Variants in MAML3 observed in about 807,000 individuals in gnomAD.
MAML3 encodes the protein mastermind-like protein 3.
A neutral mutation model predicts 101.9 loss-of-function variants in MAML3; 27 were observed. The ratio of observed to expected loss-of-function variants is 0.27; its 90% CI spans 0.20 to 0.37. The LOEUF is 0.37. MAML3 is among the 10% of genes least tolerant of loss of function. The pLI is 1.00. For missense variants in MAML3, 1,316 were observed against 1,444.9 expected (o/e 0.91, Z 1.45); for synonymous variants, 501 against 555.9 (o/e 0.90, Z 1.39).
rs751850352 is a variant in MAML3 at position 139,745,897 on chromosome 4, A to G, written c.2080-15230T>C. Among the ~76,000 whole-genome samples, 4 of 152,226 alleles carry G rather than the reference A, an allele frequency of 2.6e-5. No homozygotes were observed. In the South Asian group the frequency reaches 8.3e-4, roughly 31 times the overall value. ...GAAAGATGGCAGGCAGTAACAGGAA[A>G]TGTGACCACAACAACTTGGAGAAGA... On this transcript the variant is annotated intron_variant, in intron 2 of 4. Coordinates refer to ENST00000509479, the MANE Select transcript of MAML3 (RefSeq NM_018717.5).
At chr4:139,808,192 A>G (rs795989) in intron 2 of MAML3, among the ~76,000 whole-genome samples, 55,736 of 152,202 alleles carry the variant, frequency 0.37, 10,632 homozygotes, top group East Asian at 0.64. Context: ...AGTGAGCTCA[A>G]CTTATCCATC....
intron 2 of MAML3, among the ~76,000 whole-genome samples, chr4:139,863,832 GTTTTTTT>G (rs58270046): frequency 0.046 from 5,101 of 111,236 alleles, 162 homozygotes; most frequent in African/African-American, 0.13. Flanking sequence ...CAGAACATGG[GTTTTTTT>G]TTTTTTTTTT....
intron 2 of MAML3, among the ~76,000 whole-genome samples, chr4:139,763,027 T>C (rs1729786170): frequency 6.6e-6 from 1 of 152,136 alleles, no homozygotes; most frequent in African/African-American, 2.4e-5. Context: ...TGATCTTGGT[T>C]AAAGGGAAAC....
chr4:140,035,331 T>C (rs1726968093), intron 1 of MAML3, among the ~76,000 whole-genome samples: 1 of 152,142 alleles, frequency 6.6e-6, no homozygotes, highest in South Asian at 2.1e-4. Context: ...GTTCCAAATA[T>C]GTGAAATCAA....
intron 1 of MAML3, among the ~76,000 whole-genome samples, chr4:140,151,629 G>T (rs1038428847): frequency 2.0e-5 from 3 of 151,598 alleles, no homozygotes; most frequent in African/African-American, 7.3e-5. Context: ...GAAGGCGCGC[G>T]GCCCCGGCAC....
Position 140,151,694 on chromosome 4 carries a change from G to GT in MAML3, c.468+1165_468+1166insA, listed in dbSNP as rs900398705. Among the ~76,000 whole-genome samples the GT allele has an allele frequency of 2.7e-4, 41 of 149,998 alleles. 1 individual carries two copies. Among genetic ancestry groups the GT allele is most frequent in the South Asian group, 4.4e-4 (2 of 4,558 alleles). ...CAGCACCCGGGCGGCGCGGTGCGGG[G>GT]GGGGGGGGCACACACCTTTCCCAAG... On this transcript the variant is annotated intron_variant, in intron 1 of 4. Transcript: ENST00000509479.
chr4:140,083,961 CACACACAGAG>C (rs1337505523), intron 1 of MAML3, among the ~76,000 whole-genome samples: 671 of 36,070 alleles, frequency 0.019, 10 homozygotes, highest in African/African-American at 0.045. Context: ...CACACACACA[CACACACAGAG>C]AGAGAGAGAG....
At chr4:139,731,806 G>A (rs1728738443) in intron 2 of MAML3, among the ~76,000 whole-genome samples, 2 of 152,206 alleles carry the variant, frequency 1.3e-5, no homozygotes, top group African/African-American at 4.8e-5. Flanking sequence ...CATGGAGAAT[G>A]TGCTCAAAGG....
intron 2 of MAML3, among the ~76,000 whole-genome samples, chr4:139,772,166 G>A (rs1244251230): frequency 4.8e-5 from 7 of 145,216 alleles, no homozygotes; most frequent in Admixed American, 4.1e-4. Flanking sequence ...CGTGAACCCG[G>A]GAGGCGCAGT....
rs74767521 is a variant in MAML3 at position 139,781,791 on chromosome 4, C to T, written c.2080-51124G>A. ...CCATCTATTCATGGTGATGCTGTTA[C>T]TCCTTAAAAACTTGAGAAAATATCT... On this transcript the variant is annotated intron_variant, in intron 2 of 4. Transcript: ENST00000509479. 1.6e-4 allele frequency among the ~76,000 whole-genome samples: 25 copies of T among 152,250 alleles called. No individual in the cohort carries two copies. In the East Asian group the frequency reaches 4.8e-3, roughly 29 times the overall value.
chr4:139,961,434 A>G (rs1483502814), intron 1 of MAML3, among the ~76,000 whole-genome samples: 1 of 152,194 alleles, frequency 6.6e-6, no homozygotes, highest in African/African-American at 2.4e-5. Context: ...GTTCCATTAG[A>G]TTATCCTGGA....
chr4:140,011,496 C>T (rs1326933820), intron 1 of MAML3, among the ~76,000 whole-genome samples: 2 of 149,642 alleles, frequency 1.3e-5, no homozygotes, highest in Non-Finnish European at 3.0e-5. Flanking sequence ...AGGCGCCCGC[C>T]ACCGCGCCCG....
chr4:139,842,355 C>T (rs904820325), intron 2 of MAML3, among the ~76,000 whole-genome samples: 1 of 152,070 alleles, frequency 6.6e-6, no homozygotes, highest in Non-Finnish European at 1.5e-5. Flanking sequence ...CATTATTATC[C>T]CCTGATTTTA....
intron 1 of MAML3, among the ~76,000 whole-genome samples, chr4:140,013,281 C>T (rs922109711): frequency 2.6e-5 from 4 of 152,234 alleles, no homozygotes; most frequent in African/African-American, 9.6e-5. Context: ...AGTCCATGAA[C>T]ACAGCCTGCA....
In MAML3 at chr4:139,719,298, T is replaced by C. The variant is rs752468200; in HGVS notation, c.*25A>G. 4 of 1,539,186 alleles carry C rather than the reference T, an allele frequency of 2.6e-6. No homozygotes were observed. Among genetic ancestry groups the C allele is most frequent in the South Asian group, 1.3e-5 (1 of 79,360 alleles). ...ACTTTTTAAGCTTTAACCACTCGAG[T>C]TGTGGATCTTGGGGCCTCTCTTGAT... is the stretch of plus-strand genomic sequence containing the variant. On this transcript the variant is annotated 3_prime_UTR_variant, in exon 5 of 5. Coordinates refer to ENST00000509479, the MANE Select transcript of MAML3 (RefSeq NM_018717.5).
intron 2 of MAML3, among the ~76,000 whole-genome samples, chr4:139,840,387 C>G (rs989015236): frequency 2.0e-5 from 3 of 152,160 alleles, no homozygotes; most frequent in African/African-American, 7.2e-5. Flanking sequence ...CTTAACAAAA[C>G]TTCTCAGAGC....
At chr4:139,922,404 T>C (rs915492215) in intron 1 of MAML3, among the ~76,000 whole-genome samples, 1 of 152,006 alleles carries the variant, frequency 6.6e-6, no homozygotes, top group Non-Finnish European at 1.5e-5. Flanking sequence ...AGGGATAACA[T>C]ACAGGCAGAG....
chr4:139,824,323 G>A (rs1365754258), intron 2 of MAML3, among the ~76,000 whole-genome samples: 1 of 152,192 alleles, frequency 6.6e-6, no homozygotes, highest in African/African-American at 2.4e-5. Context: ...TTCAGTAAAT[G>A]TTTGAGAATG....
At chr4:140,040,492 G>A (rs933922455) in intron 1 of MAML3, among the ~76,000 whole-genome samples, 3 of 152,112 alleles carry the variant, frequency 2.0e-5, no homozygotes, top group African/African-American at 7.2e-5. Context: ...CCTACACAAC[G>A]TTTATATGGT....
Sources: allele counts gnomAD v4.1 joint callset (sites outside exome capture counted in the v4.1 genomes callset), GRCh38; gene constraint gnomAD v4.1.1; transcripts MANE v1.5; gene names NCBI Gene and HGNC (gene_info 2026-07-23, HGNC 2026-07-21).